Variants in NEK1 observed in about 807,000 individuals in gnomAD.
NEK1 encodes serine/threonine-protein kinase Nek1.
In NEK1, 137 loss-of-function variants were observed where a neutral mutation model predicts 182.1. The ratio of observed to expected loss-of-function variants is 0.75; its 90% CI spans 0.65 to 0.87. The LOEUF is 0.87. Among genes scored for constraint, NEK1 ranks in the 40% least tolerant of loss-of-function variants. The pLI, the probability that NEK1 is intolerant of heterozygous loss-of-function variation, is 0.00. For synonymous variants in NEK1, 513 were observed against 492.2 expected, an observed-to-expected ratio of 1.04 and a Z score of -0.56; for missense variants, 1,391 against 1,494.4, an observed-to-expected ratio of 0.93 and a Z score of 1.14.
At chr4:169,581,866 TAATTATA>T (rs1175605140) in intron 10 of NEK1, among the ~76,000 whole-genome samples, 2 of 152,202 alleles carry the variant, frequency 1.3e-5, no homozygotes, top group African/African-American at 2.4e-5. Flanking sequence ...TTGTAGCTCA[TAATTATA>T]AATTATAACT....
At chr4:169,491,577 C>G (rs1750098882) in intron 23 of NEK1, among the ~76,000 whole-genome samples, 1 of 151,538 alleles carries the variant, frequency 6.6e-6, no homozygotes, top group South Asian at 2.1e-4. Context: ...TAAGGGAATT[C>G]ATCACCTCTA....
At position 169,507,789 on chromosome 4, in the gene NEK1, C is replaced by A. The variant is rs1302368426; in HGVS notation, c.1837G>T (p.Glu613Ter). The change falls in exon 22 of 36, where the codon GAA becomes TAA. Residue 613 changes from glutamate to a stop codon, truncating the protein, a stop_gained. Transcript: ENST00000507142. LOFTEE classifies it high-confidence loss of function. ...TCTTGTCCTTCAGAATGATTAGCTTCTTTCTACAAAATAAGTAGATAAGCA... is the reference window on the plus strand; with the variant it reads ...TCTTGTCCTTCAGAATGATTAGCTTATTTCTACAAAATAAGTAGATAAGCA... ...IKAKLRGEKK[E>*]ANHSEGQEGS... 1 of 1,611,656 alleles carries A rather than the reference C, an allele frequency of 6.2e-7. No individual in the cohort carries two copies. Among genetic ancestry groups the A allele is most frequent in the Non-Finnish European group, 8.5e-7 (1 of 1,178,448 alleles).
At chr4:169,419,003 T>A (rs1458674504) in intron 31 of NEK1, among the ~76,000 whole-genome samples, 2 of 152,144 alleles carry the variant, frequency 1.3e-5, no homozygotes, top group African/African-American at 4.8e-5. Flanking sequence ...CTAATGGCAT[T>A]GTAGTGTCAT....
intron 16 of NEK1, among the ~76,000 whole-genome samples, chr4:169,557,085 G>GT: frequency 6.6e-6 from 1 of 152,210 alleles, no homozygotes; most frequent in Non-Finnish European, 1.5e-5. Context: ...TATCAACAGA[G>GT]TTTTAAAGGT....
intron 10 of NEK1, among the ~76,000 whole-genome samples, chr4:169,584,543 T>C (rs1301125674): frequency 2.0e-5 from 3 of 152,110 alleles, no homozygotes; most frequent in African/African-American, 7.2e-5. Context: ...GCCCAGGAGA[T>C]GGCAGTTGCA....
chr4:169,437,962 T>G (rs1271881490), intron 28 of NEK1, 121 bp downstream of exon 28: 1 of 742,278 alleles, frequency 1.3e-6, no homozygotes, highest in East Asian at 2.8e-5. Context: ...ATAAAAATAC[T>G]GAACCTAATT....
At chr4:169,557,403 G>A (rs2149918145) in intron 16 of NEK1, among the ~76,000 whole-genome samples, 1 of 152,130 alleles carries the variant, frequency 6.6e-6, no homozygotes, top group East Asian at 1.9e-4. Flanking sequence ...TGCTACAGAA[G>A]TCATGGTGAA....
chr4:169,427,994 T>A (rs1736699737), intron 29 of NEK1, among the ~76,000 whole-genome samples: 2 of 151,598 alleles, frequency 1.3e-5, no homozygotes, highest in Admixed American at 1.3e-4. Flanking sequence ...CTGGCTTTTT[T>A]TTTTTTCTGT....
Position 169,537,827 on chromosome 4 carries a change from A to G in NEK1, c.1647T>C (p.Ala549=). The change falls in exon 19 of 36, where the codon GCT becomes GCC. Residue 549 remains alanine (A), a synonymous_variant. Coordinates refer to ENST00000507142, the MANE Select transcript of NEK1 (RefSeq NM_001199397.3). The part of the protein sequence containing the change: ...QRKREAMQNK[A]RAEGHMGILQ... The stretch of plus-strand genomic sequence containing the variant: ...TTCATACCATATGTCCTTCGGCTCG[A>G]GCTTTATTCTGCATAGCTTCCCGTT... The G allele has an allele frequency of 6.2e-7, 1 of 1,612,782 alleles. No homozygotes were observed. Among genetic ancestry groups the G allele is most frequent in the Non-Finnish European group, 8.5e-7 (1 of 1,179,100 alleles).
At chr4:169,590,915 A>T in intron 5 of NEK1, 106 bp from the exon 6 acceptor site, 1 of 760,726 alleles carries the variant, frequency 1.3e-6, no homozygotes, top group Admixed American at 2.6e-5. Context: ...ATTTTAGGCT[A>T]CAATTTCTTT....
At chr4:169,426,038 C>A (rs1481276587) in intron 30 of NEK1, 108 bp downstream of exon 30, 1 of 761,590 alleles carries the variant, frequency 1.3e-6, no homozygotes, top group African/African-American at 1.7e-5. Context: ...ATTGAGATGA[C>A]TGATAAGGAA....
intron 35 of NEK1, among the ~76,000 whole-genome samples, chr4:169,394,789 A>C (rs944449552): frequency 6.6e-6 from 1 of 152,340 alleles, no homozygotes; most frequent in East Asian, 1.9e-4. Context: ...GCATACACAA[A>C]TATCTTTTAA....
At chr4:169,531,545 A>G (rs1757681187) in intron 19 of NEK1, among the ~76,000 whole-genome samples, 1 of 151,902 alleles carries the variant, frequency 6.6e-6, no homozygotes, top group Non-Finnish European at 1.5e-5. Context: ...ACCGGTAAAG[A>G]AGCAAAGTCG....
intron 12 of NEK1, among the ~76,000 whole-genome samples, chr4:169,572,960 G>A (rs563808099): frequency 6.8e-4 from 103 of 152,228 alleles, no homozygotes; most frequent in Non-Finnish European, 1.1e-3. Context: ...GTTGTTAAAG[G>A]GACCAGAAAT....
intron 27 of NEK1, among the ~76,000 whole-genome samples, chr4:169,456,950 G>T (rs954181584): frequency 3.3e-5 from 5 of 152,164 alleles, no homozygotes; most frequent in Admixed American, 6.6e-5. Context: ...ATATAAGACA[G>T]GCACAGAAAG....
chr4:169,533,869 A>G (rs1168352728), intron 19 of NEK1, among the ~76,000 whole-genome samples: 2 of 152,200 alleles, frequency 1.3e-5, no homozygotes, highest in African/African-American at 4.8e-5. Context: ...AGAATTGAAG[A>G]TAAGTACTCA....
At chr4:169,467,399 CTAAGT>C (rs748444900) in intron 26 of NEK1, among the ~76,000 whole-genome samples, 5 of 152,128 alleles carry the variant, frequency 3.3e-5, no homozygotes, top group African/African-American at 4.8e-5. Context: ...ATAGGCTGTG[CTAAGT>C]TAATACACTG....
At chr4:169,416,705 G>A (rs1007817420) in intron 31 of NEK1, among the ~76,000 whole-genome samples, 2 of 152,190 alleles carry the variant, frequency 1.3e-5, no homozygotes, top group Admixed American at 1.3e-4. Context: ...AGGAGTTCCA[G>A]ACCAGTCTGG....
intron 19 of NEK1, among the ~76,000 whole-genome samples, chr4:169,509,792 C>T (rs1359836735): frequency 6.6e-6 from 1 of 152,022 alleles, no homozygotes; most frequent in Non-Finnish European, 1.5e-5. Context: ...AAATGTGAAT[C>T]ATTTATAATT....
Sources: gnomAD v4.1 joint callset for allele counts (sites outside exome capture counted in the v4.1 genomes callset) on GRCh38, gnomAD v4.1.1 for gene constraint, MANE v1.5 for transcripts, NCBI Gene and HGNC (gene_info 2026-07-23, HGNC 2026-07-21) for gene names.